The following ZNF518A variants were observed in gnomAD, a reference collection of about 807,000 sequenced individuals.
ZNF518A encodes the protein zinc finger protein 518.
In ZNF518A, 47 loss-of-function variants were observed where a neutral mutation model predicts 102.7. The observed-to-expected ratio is 0.46, with a 90% CI of 0.36 to 0.58. The LOEUF (loss-of-function observed/expected upper bound fraction) is 0.58, where lower values mean the gene tolerates loss of function less well. ZNF518A is among the 20% of genes least tolerant of loss of function. The probability of loss-of-function intolerance (pLI) is 0.00; values close to 1 mark genes in which losing one functional copy is unlikely to be tolerated. For synonymous variants in ZNF518A, 652 were observed against 594.6 expected (o/e 1.10, Z -1.40); for missense variants, 1,793 against 1,699.8 (o/e 1.05, Z -0.96).
chr10:96,164,874 A>T (rs1478410581), downstream of ZNF518A, among the ~76,000 whole-genome samples: 3 of 152,224 alleles, frequency 2.0e-5, no homozygotes, highest in African/African-American at 7.2e-5. Flanking sequence ...GGTTATGTTT[A>T]TGTGGCAACT....
intron 1 of ZNF518A, among the ~76,000 whole-genome samples, chr10:96,181,197 A>AT (rs1423357124): frequency 3.9e-4 from 59 of 151,574 alleles, no homozygotes; most frequent in African/African-American, 1.4e-3. Context: ...GGGTTGTTTG[A>AT]TTTTTTCTTG....
At chr10:96,190,364 T>C in intron 1 of ZNF518A, 2 of 514,984 alleles carry the variant, frequency 3.9e-6, no homozygotes, top group Admixed American at 6.3e-5. Flanking sequence ...TGTGCCTGCA[T>C]CCAAATTTCC....
chr10:96,177,505 C>T (rs1417340892), intron 1 of ZNF518A, among the ~76,000 whole-genome samples: 2 of 152,002 alleles, frequency 1.3e-5, no homozygotes, highest in Non-Finnish European at 2.9e-5. Context: ...AAAATAATAA[C>T]ATATTATAGG....
chr10:96,150,517 G>A (rs782081523), intron 3 of ZNF518A, among the ~76,000 whole-genome samples: 1 of 147,484 alleles, frequency 6.8e-6, no homozygotes, highest in Admixed American at 6.8e-5. Context: ...TTTGGAGAGC[G>A]TTTGATTTTA....
At chr10:96,153,369 T>C (rs2082543103) in intron 3 of ZNF518A, among the ~76,000 whole-genome samples, 1 of 152,250 alleles carries the variant, frequency 6.6e-6, no homozygotes, top group African/African-American at 2.4e-5. Context: ...AATGTTTTAC[T>C]GGTTTTCTAG....
chr10:96,180,469 A>G (rs2083233330), intron 1 of ZNF518A, among the ~76,000 whole-genome samples: 1 of 151,734 alleles, frequency 6.6e-6, no homozygotes, highest in East Asian at 1.9e-4. Context: ...TACATTAGGT[A>G]TTTCTCCTAA....
rs1353588173 is a variant in ZNF518A at position 96,200,543 on chromosome 10, A to T, written n.36-3031A>T. ...TATGCCTTCTTTGAAGGCAAGAAGG[A>T]CACATGCTATTATCCGTATTTTACA... On this transcript the variant is annotated intron_variant and non_coding_transcript_variant, in intron 1 of 2. Coordinates refer to the ZNF518A transcript ENST00000442635. This position sits in a 1 kb window ranked among gnomAD's most constrained non-coding sequence, Gnocchi z 4.3. Among the ~76,000 whole-genome samples, 1 of 152,222 alleles carries T rather than the reference A, an allele frequency of 6.6e-6. No individual in the cohort carries two copies. Among genetic ancestry groups the T allele is most frequent in the African/African-American group, 2.4e-5 (1 of 41,458 alleles).
intron 3 of ZNF518A, among the ~76,000 whole-genome samples, chr10:96,146,152 G>A (rs1437685860): frequency 6.6e-6 from 1 of 151,810 alleles, no homozygotes; most frequent in Non-Finnish European, 1.5e-5. Context: ...ATAAATGTGA[G>A]TTTACAGTAT....
intron 1 of ZNF518A, among the ~76,000 whole-genome samples, chr10:96,196,021 C>CA (rs2068088961): frequency 6.6e-6 from 1 of 152,230 alleles, no homozygotes; most frequent in Non-Finnish European, 1.5e-5. Context: ...GTGGGGAAGA[C>CA]AGACACTTCA....
chr10:96,172,926 T>C lies in ZNF518A; in HGVS notation n.35+16879T>C, dbSNP rs587613945. On this transcript the variant is annotated intron_variant and non_coding_transcript_variant, in intron 1 of 2. Transcript: ENST00000442635. ...ATGTGCAGTAAACTCTCCATATCTG[T>C]GCGTTCTACATCTGCAGATTCAATC... Among the ~76,000 whole-genome samples the C allele has an allele frequency of 1.8e-4, 28 of 152,228 alleles. No homozygotes were observed. In the South Asian group the frequency reaches 5.8e-3, roughly 32 times the overall value.
chr10:96,185,767 G>A (rs1360293100), intron 1 of ZNF518A, among the ~76,000 whole-genome samples: 1 of 152,176 alleles, frequency 6.6e-6, no homozygotes, highest in Non-Finnish European at 1.5e-5. Context: ...CACAGGGGAG[G>A]ACATTTAAGT....
chr10:96,170,595 T>C (rs1217682800), intron 1 of ZNF518A, among the ~76,000 whole-genome samples: 1 of 152,226 alleles, frequency 6.6e-6, no homozygotes, highest in Non-Finnish European at 1.5e-5. Flanking sequence ...CCTGGGATGC[T>C]AAAAGCTTTT....
At chr10:96,204,415 G>T, downstream of ZNF518A, 1 of 1,197,142 alleles carries the variant, frequency 8.4e-7, no homozygotes, top group Non-Finnish European at 1.2e-6. Flanking sequence ...GCAAAACAAT[G>T]AAATGTTGGA....
rs1554886967 is a variant in ZNF518A at position 96,160,201 on chromosome 10, A to G, written c.3879A>G (p.Ala1293=). ...ACCAAGAACCTCCAAGAAGAAAAGC[A>G]ACATTGCATAGAAAGTGTAAAGAAA... ...DSYQEPPRRK[A]TLHRKCKEKA... is the part of the protein sequence containing the mutation. Residue 1293 remains alanine (A), a synonymous_variant, in exon 6 of 6, where the codon GCA becomes GCG. Transcript: ENST00000316045. The G allele has an allele frequency of 6.2e-7, 1 of 1,610,374 alleles. No individual in the cohort carries two copies. The highest frequency in any genetic ancestry group is 8.5e-7 in the Non-Finnish European group (1 of 1,178,514).
intron 1 of ZNF518A, among the ~76,000 whole-genome samples, chr10:96,188,082 T>C (rs2083283407): frequency 6.6e-6 from 1 of 152,194 alleles, no homozygotes; most frequent in Non-Finnish European, 1.5e-5. Flanking sequence ...ACTCCTGGCC[T>C]CAAGTGATCC....
intron 1 of ZNF518A, chr10:96,189,260 GAAAGT>G (rs1337091415): frequency 1.7e-5 from 7 of 403,816 alleles, no homozygotes; most frequent in Non-Finnish European, 4.6e-6. Context: ...ACACAGTAGG[GAAAGT>G]TCTCACTCTG....
At chr10:96,196,345 G>A (rs2083464672) in intron 1 of ZNF518A, among the ~76,000 whole-genome samples, 1 of 152,138 alleles carries the variant, frequency 6.6e-6, no homozygotes, top group Admixed American at 6.5e-5. Flanking sequence ...ACTGAGATAT[G>A]GTAAGCACTG....
rs1554886747 is a variant in ZNF518A at position 96,160,002 on chromosome 10, G to C, written c.3680G>C (p.Cys1227Ser). The change falls in exon 6 of 6, where the codon TGT becomes TCT. Residue 1227 changes from cysteine (C) to serine (S), a missense_variant. Physicochemically the swap from Cys to Ser is moderately radical, Grantham distance 112 (BLOSUM62 -1). Coordinates refer to ENST00000316045, the MANE Select transcript of ZNF518A (RefSeq NM_001330736.2). ...GAGGAACCAATATGTGTCAGTGACT[G>C]TTCAGAGTCCAGGGTATTAAGGTGT... ...SSEEPICVSDCSESRVLRCKT... is the reference protein window; with the variant it reads ...SSEEPICVSDSSESRVLRCKT... 1.2e-6 allele frequency: 2 copies of C among 1,613,536 alleles called. No homozygotes were observed. Among genetic ancestry groups the C allele is most frequent in the African/African-American group, 1.3e-5 (1 of 75,036 alleles).
At chr10:96,196,361 G>C (rs1181571621) in intron 1 of ZNF518A, among the ~76,000 whole-genome samples, 1 of 152,116 alleles carries the variant, frequency 6.6e-6, no homozygotes, top group Non-Finnish European at 1.5e-5. Flanking sequence ...CACTGAGTTT[G>C]GTCCAGATTA....
Sources: gnomAD v4.1 joint callset for allele counts (sites outside exome capture counted in the v4.1 genomes callset) on GRCh38, gnomAD v4.1.1 for gene constraint, Gnocchi (gnomAD v3.1) non-coding constraint, MANE v1.5 for transcripts, NCBI Gene and HGNC (gene_info 2026-07-23, HGNC 2026-07-21) for gene names.